PTPN11: variants seen among roughly 807,000 people sequenced by gnomAD.
The protein encoded by PTPN11 is tyrosine-protein phosphatase non-receptor type 11.
Under a neutral mutation model 78.8 loss-of-function variants are expected in PTPN11, and 6 were observed. That is an observed-to-expected ratio of 0.08 (90% CI 0.04 to 0.15). The LOEUF (loss-of-function observed/expected upper bound fraction) is 0.15, where lower values mean the gene tolerates loss of function less well. PTPN11 is among the 10% of genes least tolerant of loss of function. PTPN11 has a pLI of 1.00. For missense variants in PTPN11, 386 were observed against 744.8 expected (o/e 0.52, Z 5.61); for synonymous variants, 221 against 263.5 (o/e 0.84, Z 1.56).
chr12:112,441,859 C>A (rs1276691037), intron 1 of PTPN11, among the ~76,000 whole-genome samples: 2 of 151,790 alleles, frequency 1.3e-5, no homozygotes, highest in African/African-American at 4.8e-5. Context: ...TCACTGCAAG[C>A]TCCGCCTACT....
chr12:112,488,958 G>T, intron 12 of PTPN11, 66 bp from the exon 13 acceptor site: 1 of 1,588,430 alleles, frequency 6.3e-7, no homozygotes, highest in South Asian at 1.1e-5. Flanking sequence ...ACTAAAAGTT[G>T]TGCATTAAAC....
At chr12:112,441,758 A>C (rs891757702) in intron 1 of PTPN11, among the ~76,000 whole-genome samples, 2 of 151,844 alleles carry the variant, frequency 1.3e-5, no homozygotes, top group African/African-American at 4.8e-5. Flanking sequence ...AATCTCAATG[A>C]CTTTTGAAAT....
At chr12:112,422,164 G>C (rs771281547) in intron 1 of PTPN11, among the ~76,000 whole-genome samples, 4 of 152,224 alleles carry the variant, frequency 2.6e-5, no homozygotes, top group Admixed American at 1.3e-4. Context: ...GAAGGTGATC[G>C]TGTGAGCTGA....
intron 15 of PTPN11, among the ~76,000 whole-genome samples, chr12:112,505,448 C>T (rs762697911): frequency 2.0e-5 from 3 of 151,970 alleles, no homozygotes; most frequent in Non-Finnish European, 4.4e-5. Flanking sequence ...GGGCGGATCA[C>T]CTGAGGTCAG....
chr12:112,445,383 C>T lies in PTPN11; in HGVS notation c.15-893C>T, dbSNP rs147299317. Among the ~76,000 whole-genome samples, 281 of 152,282 alleles carry T rather than the reference C, an allele frequency of 1.8e-3. 2 individuals carry two copies. The highest frequency in any genetic ancestry group is 6.5e-3 in the African/African-American group (272 of 41,558). The stretch of plus-strand genomic sequence containing the variant: ...CTGACGTCAAGTGATCTGCCCGCCT[C>T]GGCCTCCCAAAGTGCTGGGATTATA... On this transcript the variant is annotated intron_variant, in intron 1 of 15. Transcript: ENST00000351677.
At chr12:112,444,393 G>A (rs974416454) in intron 1 of PTPN11, among the ~76,000 whole-genome samples, 15 of 151,608 alleles carry the variant, frequency 9.9e-5, no homozygotes, top group Non-Finnish European at 2.1e-4. Flanking sequence ...CCAGGCTGGA[G>A]TGTAGTGGCA....
chr12:112,484,589 T>C (rs925677189), intron 10 of PTPN11, among the ~76,000 whole-genome samples: 3 of 151,660 alleles, frequency 2.0e-5, no homozygotes, highest in African/African-American at 7.3e-5. Flanking sequence ...TGGAAACCAG[T>C]GTGGTTGTGG....
At chr12:112,429,179 GTATC>G (rs2037671174) in intron 1 of PTPN11, among the ~76,000 whole-genome samples, 2 of 152,172 alleles carry the variant, frequency 1.3e-5, no homozygotes, top group African/African-American at 4.8e-5. Context: ...TGCATGAGAA[GTATC>G]TATCCTGCAT....
rs1435883081 is a variant in PTPN11 at position 112,496,772 on chromosome 12, C to T, written c.1600-5372C>T. Reference sequence around the variant, plus strand: ...TATACCCATGTGAGAATTGTATTTGCACTTCTTGTTTGAAGGAAATACATA... The same window carrying T: ...TATACCCATGTGAGAATTGTATTTGTACTTCTTGTTTGAAGGAAATACATA... On this transcript the variant is annotated intron_variant, in intron 13 of 15. Coordinates refer to ENST00000351677, the MANE Select transcript of PTPN11 (RefSeq NM_002834.5). Among the ~76,000 whole-genome samples, 3 of 152,166 alleles carry T rather than the reference C, an allele frequency of 2.0e-5. No individual in the cohort carries two copies. In the East Asian group the frequency reaches 5.8e-4, roughly 29 times the overall value.
intron 6 of PTPN11, 86 bp downstream of exon 6, chr12:112,456,149 C>T: frequency 4.5e-6 from 4 of 885,940 alleles, no homozygotes; most frequent in Non-Finnish European, 7.4e-6. Context: ...TGGAATTGGA[C>T]CTGAGAGACT....
At position 112,477,970 on chromosome 12, in the gene PTPN11, C is replaced by T. The variant is rs1222504763; in HGVS notation, c.1047C>T (p.Asn349=). Residue 349 remains asparagine (N), a synonymous_variant, in exon 9 of 16, where the codon AAC becomes AAT. Transcript: ENST00000351677. ...TTTGGCGGATGGTGTTCCAAGAAAA[C>T]TCCCGAGTGATTGTCATGACAACGA... ...NDFWRMVFQE[N]SRVIVMTTKE... is the part of the protein sequence containing the mutation. 5.6e-6 allele frequency: 9 copies of T among 1,614,012 alleles called. No homozygotes were observed. Among genetic ancestry groups the T allele is most frequent in the Non-Finnish European group, 6.8e-6 (8 of 1,180,010 alleles).
chr12:112,420,626 GCCACCGTAC>G (rs1376685038), intron 1 of PTPN11, among the ~76,000 whole-genome samples: 1 of 152,164 alleles, frequency 6.6e-6, no homozygotes, highest in Non-Finnish European at 1.5e-5. Context: ...ACAGGCGTGA[GCCACCGTAC>G]CCAGCCTGAA....
intron 1 of PTPN11, among the ~76,000 whole-genome samples, chr12:112,436,593 T>G (rs2037794889): frequency 6.6e-6 from 1 of 152,204 alleles, no homozygotes; most frequent in Non-Finnish European, 1.5e-5. Flanking sequence ...GGTGTTAGTC[T>G]TTTGGGTTGA....
chr12:112,472,825 G>A (rs781331884), intron 6 of PTPN11, 119 bp from the exon 7 acceptor site: 19 of 868,726 alleles, frequency 2.2e-5, no homozygotes, highest in Non-Finnish European at 3.5e-5. Context: ...TGTAGCTATC[G>A]CACACAATTC....
chr12:112,491,228 T>G (rs2038740872), intron 13 of PTPN11, among the ~76,000 whole-genome samples: 1 of 151,902 alleles, frequency 6.6e-6, no homozygotes, highest in Non-Finnish European at 1.5e-5. Context: ...ACTCTGCCAG[T>G]TCCTTGGAGG....
intron 6 of PTPN11, 115 bp downstream of exon 6, chr12:112,456,178 T>C (rs2038156845): frequency 1.3e-6 from 1 of 748,210 alleles, no homozygotes; most frequent in South Asian, 1.5e-5. Context: ...ACGTCCTTTT[T>C]TAATTCGGCC....
At chr12:112,460,668 C>T (rs1314559733) in intron 6 of PTPN11, among the ~76,000 whole-genome samples, 2 of 151,958 alleles carry the variant, frequency 1.3e-5, no homozygotes, top group African/African-American at 4.8e-5. Flanking sequence ...ATGGTGAAAC[C>T]CGGTCTCTAC....
chr12:112,454,255 G>T (rs1023650988), intron 4 of PTPN11, among the ~76,000 whole-genome samples: 1 of 152,066 alleles, frequency 6.6e-6, no homozygotes, highest in Non-Finnish European at 1.5e-5. Context: ...GAGTAGCAGG[G>T]ATTACAGGTG....
chr12:112,445,747 T>G (rs1169103506), intron 1 of PTPN11, among the ~76,000 whole-genome samples: 1 of 151,832 alleles, frequency 6.6e-6, no homozygotes, highest in African/African-American at 2.4e-5. Flanking sequence ...GTTCAAGCGA[T>G]TCTCCTGCCT....
Sources: allele counts gnomAD v4.1 joint callset (sites outside exome capture counted in the v4.1 genomes callset), GRCh38; gene constraint gnomAD v4.1.1; transcripts MANE v1.5; gene names NCBI Gene and HGNC (gene_info 2026-07-23, HGNC 2026-07-21).